PLCL2: variants seen among roughly 807,000 people sequenced by gnomAD.
PLCL2 encodes the protein phospholipase C like 2, also known as inactive phospholipase C-like protein 2.
In PLCL2, 4 loss-of-function variants were observed where a neutral mutation model predicts 79.6. That is an observed-to-expected ratio of 0.05 (90% CI 0.02 to 0.11). PLCL2 has a LOEUF of 0.11. Among genes scored for constraint, PLCL2 ranks in the 10% least tolerant of loss-of-function variants. The pLI is 1.00. For synonymous variants in PLCL2, 484 were observed against 457.7 expected, an observed-to-expected ratio of 1.06 and a Z score of -0.73; for missense variants, 895 against 1,291.0, an observed-to-expected ratio of 0.69 and a Z score of 4.70.
chr3:17,006,117 A>C (rs1396146119), intron 1 of PLCL2, among the ~76,000 whole-genome samples: 1 of 152,232 alleles, frequency 6.6e-6, no homozygotes, highest in Non-Finnish European at 1.5e-5. Context: ...TAGGTTGAAT[A>C]ATCTTCATTA....
chr3:16,899,950 A>T (rs1228316926), intron 1 of PLCL2, among the ~76,000 whole-genome samples: 1 of 149,604 alleles, frequency 6.7e-6, no homozygotes, highest in Non-Finnish European at 1.5e-5. Context: ...GCTTTTTTGA[A>T]TATCATGTTT....
intron 1 of PLCL2, among the ~76,000 whole-genome samples, chr3:16,998,573 C>T (rs911811037): frequency 2.6e-5 from 4 of 152,176 alleles, no homozygotes; most frequent in Non-Finnish European, 4.4e-5. Flanking sequence ...TAAAGGATCA[C>T]TAGTGTAATT....
At chr3:17,088,465 A>G (rs1217668609) in intron 5 of PLCL2, among the ~76,000 whole-genome samples, 1 of 152,220 alleles carries the variant, frequency 6.6e-6, no homozygotes, top group African/African-American at 2.4e-5. Flanking sequence ...GTGAGAAAGA[A>G]GAAAAGGTAA....
intron 1 of PLCL2, among the ~76,000 whole-genome samples, chr3:17,001,942 A>G (rs969353899): frequency 2.6e-5 from 4 of 151,930 alleles, no homozygotes; most frequent in African/African-American, 7.2e-5. Context: ...TTTGGGTAGT[A>G]TGGACATCTT....
intron 5 of PLCL2, among the ~76,000 whole-genome samples, chr3:17,085,822 A>AC (rs1271533347): frequency 6.6e-6 from 1 of 152,106 alleles, no homozygotes; most frequent in Non-Finnish European, 1.5e-5. Flanking sequence ...TTACATTAGA[A>AC]CCCCCAGAAA....
chr3:16,948,859 A>G (rs753105546), intron 1 of PLCL2, among the ~76,000 whole-genome samples: 7 of 152,228 alleles, frequency 4.6e-5, no homozygotes, highest in Non-Finnish European at 7.3e-5. Context: ...AAAATCCAGT[A>G]TGTTTAATGA....
At chr3:17,051,780 A>G (rs138739858) in intron 4 of PLCL2, among the ~76,000 whole-genome samples, 2 of 152,286 alleles carry the variant, frequency 1.3e-5, no homozygotes, top group African/African-American at 4.8e-5. Flanking sequence ...CTTCTTCTAT[A>G]TTAGTTTCAT....
At chr3:16,889,957 G>A (rs1696308959) in intron 1 of PLCL2, among the ~76,000 whole-genome samples, 1 of 152,032 alleles carries the variant, frequency 6.6e-6, no homozygotes, top group African/African-American at 2.4e-5. Context: ...GACAGTAGCT[G>A]GATAACAAAG....
chr3:17,027,371 A>G (rs1382012209), intron 3 of PLCL2, among the ~76,000 whole-genome samples: 1 of 152,240 alleles, frequency 6.6e-6, no homozygotes, highest in East Asian at 1.9e-4. Context: ...CCATAAATGA[A>G]GTGTTTTTGG....
chr3:17,027,075 A>G (rs888465674), intron 3 of PLCL2, among the ~76,000 whole-genome samples: 2 of 152,138 alleles, frequency 1.3e-5, no homozygotes, highest in Non-Finnish European at 2.9e-5. Context: ...TTTTTGTCCA[A>G]CATATATCGT....
intron 1 of PLCL2, among the ~76,000 whole-genome samples, chr3:16,918,961 G>A (rs1697060573): frequency 2.0e-5 from 3 of 152,070 alleles, no homozygotes. Context: ...AAGTTAAATA[G>A]AAGTACTTCA....
At chr3:16,955,460 G>T (rs1430471243) in intron 1 of PLCL2, among the ~76,000 whole-genome samples, 1 of 152,116 alleles carries the variant, frequency 6.6e-6, no homozygotes, top group Non-Finnish European at 1.5e-5. Context: ...GTCAGGTAGC[G>T]TGATGCCTCC....
chr3:17,061,889 T>C (rs549532356), intron 4 of PLCL2, among the ~76,000 whole-genome samples: 22 of 152,188 alleles, frequency 1.4e-4, no homozygotes, highest in Non-Finnish European at 2.9e-4. Flanking sequence ...TAAACTCTCA[T>C]TGACATCACC....
chr3:16,979,612 T>C (rs1261292072), intron 1 of PLCL2, among the ~76,000 whole-genome samples: 1 of 133,862 alleles, frequency 7.5e-6, no homozygotes, highest in African/African-American at 2.9e-5. Context: ...CATTCAACCC[T>C]GAGTGGATAC....
chr3:17,034,856 A>G (rs2064625953), intron 3 of PLCL2, among the ~76,000 whole-genome samples: 1 of 152,110 alleles, frequency 6.6e-6, no homozygotes, highest in Non-Finnish European at 1.5e-5. Context: ...CTCCACAGTT[A>G]CTCAAGATCA....
At chr3:16,908,831 A>T (rs910034141) in intron 1 of PLCL2, among the ~76,000 whole-genome samples, 1 of 152,206 alleles carries the variant, frequency 6.6e-6, no homozygotes, top group African/African-American at 2.4e-5. Context: ...GAAATTAATA[A>T]AAGTGTGATA....
chr3:17,058,853 C>A (rs1004420191), intron 4 of PLCL2, among the ~76,000 whole-genome samples: 1 of 151,970 alleles, frequency 6.6e-6, no homozygotes, highest in Non-Finnish European at 1.5e-5. Context: ...CAAGGAGATA[C>A]CATTTTTCAG....
chr3:17,026,188 C>G (rs2064515531), intron 3 of PLCL2, among the ~76,000 whole-genome samples: 1 of 152,088 alleles, frequency 6.6e-6, no homozygotes, highest in African/African-American at 2.4e-5. Flanking sequence ...GGTTTTAAGC[C>G]TTTTCTAACT....
At chr3:16,995,975 A>G (rs2064149209) in intron 1 of PLCL2, among the ~76,000 whole-genome samples, 1 of 152,214 alleles carries the variant, frequency 6.6e-6, no homozygotes, top group Non-Finnish European at 1.5e-5. Context: ...CCGAAGGCCT[A>G]GGGTTTCAGC....
Sources: gnomAD v4.1 joint callset for allele counts (sites outside exome capture counted in the v4.1 genomes callset) on GRCh38, gnomAD v4.1.1 for gene constraint, MANE v1.5 for transcripts, NCBI Gene and HGNC (gene_info 2026-07-23, HGNC 2026-07-21) for gene names.